The following CTNNA3 variants were observed in gnomAD, a reference collection of about 807,000 sequenced individuals.
CTNNA3 encodes the protein catenin alpha-3.
CTNNA3 carries 76 observed loss-of-function variants against 95.7 expected under a neutral mutation model. The ratio of observed to expected loss-of-function variants is 0.79; its 90% CI spans 0.66 to 0.96. The LOEUF (loss-of-function observed/expected upper bound fraction) is 0.96. Among genes scored for constraint, CTNNA3 ranks in the 40% least tolerant of loss-of-function variants. The pLI, the probability that CTNNA3 is intolerant of heterozygous loss-of-function variation, is 0.00. For synonymous variants in CTNNA3, 431 were observed against 374.4 expected (o/e 1.15, Z -1.74); for missense variants, 1,191 against 1,089.8 (o/e 1.09, Z -1.31).
rs190191418 is a variant in CTNNA3, at chr10:66,595,802, A to G, written c.1374+25890T>C. Among the ~76,000 whole-genome samples, 177 of 151,516 alleles carry G rather than the reference A, an allele frequency of 1.2e-3. 2 individuals carry two copies. Among genetic ancestry groups the G allele is most frequent in the Middle Eastern group, 6.8e-3 (2 of 294 alleles). The stretch of plus-strand genomic sequence containing the variant: ...CAGGAGTGCACCACTGTACTTAGCT[A>G]ATTTATTTATTTATTTATTTATTTA... On this transcript the variant is annotated intron_variant, in intron 10 of 17. Coordinates refer to ENST00000433211, the MANE Select transcript of CTNNA3 (RefSeq NM_013266.4).
intron 7 of CTNNA3, among the ~76,000 whole-genome samples, chr10:67,121,981 C>CAAAAAA (rs370358378): frequency 4.2e-5 from 2 of 47,134 alleles, no homozygotes; most frequent in Non-Finnish European, 8.6e-5. Context: ...TTATTCTGAG[C>CAAAAAA]AAAAAAAAAA....
intron 5 of CTNNA3, among the ~76,000 whole-genome samples, chr10:67,228,845 A>ATT (rs1865059359): frequency 6.6e-6 from 1 of 152,170 alleles, no homozygotes; most frequent in African/African-American, 2.4e-5. Flanking sequence ...ATTACCAACA[A>ATT]AAAAATCCAG....
intron 11 of CTNNA3, among the ~76,000 whole-genome samples, chr10:66,430,590 A>G (rs2093285666): frequency 6.6e-6 from 1 of 152,196 alleles, no homozygotes; most frequent in Admixed American, 6.5e-5. Context: ...GCCCTCAGAA[A>G]TAATACCACA....
chr10:67,572,141 C>T (rs746843487), intron 3 of CTNNA3, among the ~76,000 whole-genome samples: 15 of 152,240 alleles, frequency 9.9e-5, no homozygotes, highest in African/African-American at 1.7e-4. Flanking sequence ...AATCAAAATA[C>T]AGTTTTAAAA....
chr10:66,850,400 CTCTTCAAATTT>C, intron 7 of CTNNA3, among the ~76,000 whole-genome samples: 1 of 152,272 alleles, frequency 6.6e-6, no homozygotes, highest in East Asian at 1.9e-4. Context: ...TTTCATTTTA[CTCTTCAAATTT>C]AAGAGTTGGA....
At chr10:66,468,630 A>G (rs1450091454) in intron 11 of CTNNA3, among the ~76,000 whole-genome samples, 1 of 151,928 alleles carries the variant, frequency 6.6e-6, no homozygotes, top group Non-Finnish European at 1.5e-5. Flanking sequence ...CAGCACACAC[A>G]TGAAAATAAT....
intron 9 of CTNNA3, among the ~76,000 whole-genome samples, chr10:66,695,237 G>A (rs574974893): frequency 1.3e-5 from 2 of 152,114 alleles, no homozygotes; most frequent in Non-Finnish European, 2.9e-5. Flanking sequence ...GCAGGTACAG[G>A]CATGTTTGCC....
At chr10:67,519,006 C>T (rs1427282693) in intron 5 of CTNNA3, among the ~76,000 whole-genome samples, 1 of 152,172 alleles carries the variant, frequency 6.6e-6, no homozygotes, top group Non-Finnish European at 1.5e-5. Flanking sequence ...ACAGCCTCCT[C>T]TCACACCTTT....
At chr10:67,671,331 T>C (rs943482262) in intron 1 of CTNNA3, among the ~76,000 whole-genome samples, 23 of 152,104 alleles carry the variant, frequency 1.5e-4, no homozygotes, top group African/African-American at 5.3e-4. Flanking sequence ...GGGCCCTTGA[T>C]GACATCCGTT....
intron 14 of CTNNA3, among the ~76,000 whole-genome samples, chr10:66,076,653 A>G (rs760886606): frequency 6.6e-6 from 1 of 151,700 alleles, no homozygotes; most frequent in Non-Finnish European, 1.5e-5. Flanking sequence ...ATAAAACTTT[A>G]TAGGCTTCAG....
intron 3 of CTNNA3, among the ~76,000 whole-genome samples, chr10:67,549,035 T>G (rs1480618550): frequency 1.3e-5 from 2 of 152,190 alleles, no homozygotes; most frequent in African/African-American, 4.8e-5. Context: ...TCTAAATTAT[T>G]AAAGCATAAT....
At chr10:67,423,712 T>C (rs1845823320) in intron 5 of CTNNA3, among the ~76,000 whole-genome samples, 1 of 152,150 alleles carries the variant, frequency 6.6e-6, no homozygotes, top group African/African-American at 2.4e-5. Context: ...GTTAACATTA[T>C]TGATGATTGA....
In CTNNA3 at chr10:66,931,294, C is replaced by G. The variant is rs200700153; in HGVS notation, c.1048-155770G>C. On this transcript the variant is annotated intron_variant, in intron 7 of 17. Transcript: ENST00000433211. ...GAAGAAATGGGATTTAGTCTCTAAACTTCATGTGAGTTTTTTTCCATTTTT... is the reference window on the plus strand; with the variant it reads ...GAAGAAATGGGATTTAGTCTCTAAAGTTCATGTGAGTTTTTTTCCATTTTT... Among the ~76,000 whole-genome samples the G allele has an allele frequency of 8.7e-5, 13 of 148,806 alleles. No individual in the cohort carries two copies. In the East Asian group the frequency reaches 2.6e-3, roughly 30 times the overall value.
intron 11 of CTNNA3, among the ~76,000 whole-genome samples, chr10:66,402,883 G>A (rs1409122048): frequency 1.3e-5 from 2 of 152,014 alleles, no homozygotes; most frequent in Admixed American, 1.3e-4. Context: ...CTCAGATAAG[G>A]GGAAGTGAAG....
intron 9 of CTNNA3, among the ~76,000 whole-genome samples, chr10:66,690,939 A>G (rs1156553843): frequency 6.6e-6 from 1 of 152,174 alleles, no homozygotes; most frequent in Non-Finnish European, 1.5e-5. Context: ...AGTCCCACCA[A>G]CAGCGTAAAA....
At chr10:66,866,642 G>A (rs187685895) in intron 7 of CTNNA3, among the ~76,000 whole-genome samples, 1 of 152,266 alleles carries the variant, frequency 6.6e-6, no homozygotes, top group Non-Finnish European at 1.5e-5. Flanking sequence ...AACTCACACT[G>A]AATGGTAATT....
rs77732919 is a variant in CTNNA3, at chr10:65,968,386, T to G, written c.2266-1640A>C. Among the ~76,000 whole-genome samples the G allele has an allele frequency of 0.013, 2,013 of 151,842 alleles. 107 individuals are homozygous for G. The East Asian group carries it at 0.18, about 14-fold the overall frequency. On this transcript the variant is annotated intron_variant, in intron 16 of 17. Transcript: ENST00000433211. Reference sequence around the variant, plus strand: ...GTGGGACCTTGTGTCAAAAAATAAATAAATAAAAATAAAAAATAAAATAAT... The same window carrying G: ...GTGGGACCTTGTGTCAAAAAATAAAGAAATAAAAATAAAAAATAAAATAAT...
At chr10:66,786,163 G>C (rs1208597017) in intron 7 of CTNNA3, among the ~76,000 whole-genome samples, 3 of 152,058 alleles carry the variant, frequency 2.0e-5, no homozygotes, top group Non-Finnish European at 2.9e-5. Context: ...TGCAGGCCTA[G>C]GGTCTTGCTC....
intron 7 of CTNNA3, among the ~76,000 whole-genome samples, chr10:67,050,440 T>C (rs1005676976): frequency 7.2e-5 from 11 of 151,906 alleles, no homozygotes; most frequent in Middle Eastern, 3.2e-3. Context: ...TTAAGAATAT[T>C]AGAAAAGAAA....
Sources: gnomAD v4.1 joint callset for allele counts (sites outside exome capture counted in the v4.1 genomes callset) on GRCh38, gnomAD v4.1.1 for gene constraint, MANE v1.5 for transcripts, NCBI Gene and HGNC (gene_info 2026-07-23, HGNC 2026-07-21) for gene names.